NFAM1: variants seen among roughly 807,000 people sequenced by gnomAD.
The protein encoded by NFAM1 is NFAT activating protein with ITAM motif 1, also known as NFAT activation molecule 1.
Under a neutral mutation model 29.0 loss-of-function variants are expected in NFAM1, and 17 were observed. The observed-to-expected ratio is 0.59, with a 90% confidence interval of 0.40 to 0.88. The LOEUF (loss-of-function observed/expected upper bound fraction) is 0.88. NFAM1 is among the 40% of genes least tolerant of loss of function. The probability of loss-of-function intolerance (pLI) is 0.00; values close to 1 mark genes in which losing one functional copy is unlikely to be tolerated. For synonymous variants in NFAM1, 175 were observed against 147.2 expected (o/e 1.19, Z -1.36); for missense variants, 324 against 344.6 (o/e 0.94, Z 0.47).
intron 1 of NFAM1, among the ~76,000 whole-genome samples, chr22:42,417,292 T>C (rs893574996): frequency 6.6e-6 from 1 of 152,128 alleles, no homozygotes; most frequent in Non-Finnish European, 1.5e-5. Flanking sequence ...CATAGAACTT[T>C]GACTTAGAGT....
chr22:42,393,464 A>G (rs140350026), intron 4 of NFAM1, among the ~76,000 whole-genome samples: 218 of 151,922 alleles, frequency 1.4e-3, no homozygotes, highest in African/African-American at 4.9e-3. Context: ...GCTGGAGTGC[A>G]GTGGCATGAT....
chr22:42,417,493 GGAACGGATTTGA>G (rs11276064), intron 1 of NFAM1, among the ~76,000 whole-genome samples: 13,518 of 152,196 alleles, frequency 0.089, 745 homozygotes, highest in African/African-American at 0.14. Context: ...TTCTGTGCAG[GGAACGGATTTGA>G]GAACTTCCCT....
At position 42,387,130 on chromosome 22, in the gene NFAM1, C is replaced by T. The variant is rs762688698; in HGVS notation, c.664-52G>A. On this transcript the variant is annotated intron_variant, in intron 4 of 5. Transcript: ENST00000329021. Reference sequence around the variant, plus strand: ...GGGGCAAGTGTGTAGAGGGGCAGTCCCTGGCCCCAGCAGCCAGCCCCCTGC... The same window carrying T: ...GGGGCAAGTGTGTAGAGGGGCAGTCTCTGGCCCCAGCAGCCAGCCCCCTGC... 17 of 1,083,408 alleles carry T rather than the reference C, an allele frequency of 1.6e-5. No individual in the cohort carries two copies. In the South Asian group the frequency reaches 2.0e-4, roughly 13 times the overall value. 67.1% of individuals were successfully genotyped at this position (1,083,408 alleles called of 1,614,324 possible).
rs1286905869 is a variant in NFAM1 at position 42,381,277 on chromosome 22, G to A, written c.*3884C>T. The A allele has an allele frequency of 6.5e-6, 1 of 153,088 alleles. No homozygotes were observed. Among genetic ancestry groups the A allele is most frequent in the Admixed American group, 6.5e-5 (1 of 15,272 alleles). The allele number at this position is 153,088 out of a possible 1,614,324, so 9.5% of individuals were successfully genotyped here. A position where few individuals can be genotyped will look rare whatever the true frequency, so the allele number is the denominator to read the frequency against. On this transcript the variant is annotated 3_prime_UTR_variant, in exon 6 of 6. Coordinates refer to ENST00000329021, the MANE Select transcript of NFAM1 (RefSeq NM_145912.8). ...GGCAAGGCCCCTGCTCCCAGAAGCT[G>A]GTTTCCCAGGATGATTTTCTCAAGC...
In NFAM1 at chr22:42,397,954, C is replaced by A. The variant is rs141047747; in HGVS notation, c.567G>T (p.Lys189Asn). The change falls in exon 4 of 6, where the codon AAG becomes AAT. Residue 189 changes from lysine to asparagine, a missense_variant and splice_region_variant. Transcript: ENST00000329021. ...GGTCCTTCCCTGGACCCCGCATCCG[C>A]TTCTGTAGGGAGAAAGGAGTCAGGG... ...VGTALLLWNK[K>N]RMRGPGKDPT... 2.5e-6 allele frequency: 4 copies of A among 1,581,380 alleles called. No homozygotes were observed. Among genetic ancestry groups the A allele is most frequent in the Non-Finnish European group, 3.5e-6 (4 of 1,157,362 alleles).
In NFAM1 at chr22:42,381,779, C is replaced by G. The variant is rs1347910560; in HGVS notation, c.*3382G>C. 6.5e-6 allele frequency: 1 copy of G among 153,272 alleles called. No individual in the cohort carries two copies. Among genetic ancestry groups the G allele is most frequent in the African/African-American group, 2.4e-5 (1 of 41,440 alleles). The allele number at this position is 153,272 out of a possible 1,614,324, so 9.5% of individuals were successfully genotyped here. ...CAGCTCCTGCTAAGCCAGCACCCTC[C>G]TTCCCTCACCTCTCTGCTTACCTTG... is the stretch of plus-strand genomic sequence containing the variant. On this transcript the variant is annotated 3_prime_UTR_variant, in exon 6 of 6. Coordinates refer to ENST00000329021, the MANE Select transcript of NFAM1 (RefSeq NM_145912.8).
chr22:42,434,099 C>A (rs1306278386), upstream of NFAM1, among the ~76,000 whole-genome samples: 3 of 152,154 alleles, frequency 2.0e-5, no homozygotes, highest in African/African-American at 4.8e-5. Flanking sequence ...ACGGTGCCCC[C>A]CACACCCCAA....
chr22:42,384,788 A>G lies in NFAM1; in HGVS notation c.*373T>C. On this transcript the variant is annotated 3_prime_UTR_variant, in exon 6 of 6. Coordinates refer to ENST00000329021, the MANE Select transcript of NFAM1 (RefSeq NM_145912.8). Reference sequence around the variant, plus strand: ...AGCTCAGAGGCTGCCCTACTGGCTGAGGTGCAGGCTGGTGCCAAGAGAGCA... The same window carrying G: ...AGCTCAGAGGCTGCCCTACTGGCTGGGGTGCAGGCTGGTGCCAAGAGAGCA... 3.4e-6 allele frequency: 1 copy of G among 297,230 alleles called. No individual in the cohort carries two copies. The highest frequency in any genetic ancestry group is 6.5e-6 in the Non-Finnish European group (1 of 154,142). The allele number at this position is 297,230 out of a possible 1,614,324, so 18.4% of individuals were successfully genotyped here. A position where few individuals can be genotyped will look rare whatever the true frequency, so the allele number is the denominator to read the frequency against.
upstream of NFAM1, among the ~76,000 whole-genome samples, chr22:42,434,075 CCT>C (rs1307341427): frequency 1.3e-5 from 2 of 152,258 alleles, no homozygotes; most frequent in East Asian, 3.9e-4. Context: ...ACTGACCCTA[CCT>C]CTCAGCCTGT....
At chr22:42,391,344 A>C (rs988852484) in intron 4 of NFAM1, among the ~76,000 whole-genome samples, 1 of 46,512 alleles carries the variant, frequency 2.1e-5, no homozygotes. Context: ...AAAAATGAAC[A>C]GGGGTCTTGG....
chr22:42,410,997 C>A (rs1352481518), intron 2 of NFAM1, among the ~76,000 whole-genome samples: 10 of 150,126 alleles, frequency 6.7e-5, no homozygotes, highest in Admixed American at 6.6e-4. Flanking sequence ...CAAGGCAAAC[C>A]ATTCTCTATT....
intron 1 of NFAM1, among the ~76,000 whole-genome samples, chr22:42,422,297 C>T (rs1290448346): frequency 1.3e-5 from 2 of 152,156 alleles, no homozygotes; most frequent in Non-Finnish European, 2.9e-5. Flanking sequence ...CAGCAGTTGC[C>T]TCCTTTTTGC....
At chr22:42,414,388 C>T (rs770443147) in intron 1 of NFAM1, among the ~76,000 whole-genome samples, 13 of 151,946 alleles carry the variant, frequency 8.6e-5, no homozygotes, top group Middle Eastern at 6.8e-3. Context: ...CGGACTTATC[C>T]GAGATGGGAC....
chr22:42,428,640 C>T (rs1359194576), intron 1 of NFAM1, among the ~76,000 whole-genome samples: 2 of 152,184 alleles, frequency 1.3e-5, no homozygotes, highest in African/African-American at 2.4e-5. Flanking sequence ...CCAAGGCTCA[C>T]GGTCCCACCA....
intron 1 of NFAM1, among the ~76,000 whole-genome samples, chr22:42,423,959 C>A (rs1321833633): frequency 6.6e-6 from 1 of 151,974 alleles, no homozygotes; most frequent in Non-Finnish European, 1.5e-5. Context: ...ACCTCATGAC[C>A]TCACCATGTT....
intron 3 of NFAM1, among the ~76,000 whole-genome samples, chr22:42,399,129 G>A (rs1048934696): frequency 6.6e-6 from 1 of 152,164 alleles, no homozygotes; most frequent in Middle Eastern, 3.2e-3. Flanking sequence ...AGGCCTGGAG[G>A]TCTGGAGGCA....
At chr22:42,434,634 A>T (rs1306687285), upstream of NFAM1, among the ~76,000 whole-genome samples, 2 of 152,184 alleles carry the variant, frequency 1.3e-5, no homozygotes, top group African/African-American at 4.8e-5. Context: ...CGCATCCAGG[A>T]GCCTCATTTC....
intron 1 of NFAM1, among the ~76,000 whole-genome samples, chr22:42,421,230 C>T (rs1433763184): frequency 9.9e-5 from 15 of 152,208 alleles, no homozygotes; most frequent in Non-Finnish European, 5.9e-5. Flanking sequence ...GTGGGTGGAT[C>T]TCCTGAGGTC....
intron 1 of NFAM1, among the ~76,000 whole-genome samples, chr22:42,426,291 C>T (rs920412127): frequency 2.0e-5 from 3 of 152,184 alleles, no homozygotes; most frequent in Non-Finnish European, 2.9e-5. Flanking sequence ...GCCCCTGGCC[C>T]ACCAGCAGCA....
Sources: gnomAD v4.1 joint callset for allele counts (sites outside exome capture counted in the v4.1 genomes callset) on GRCh38, gnomAD v4.1.1 for gene constraint, MANE v1.5 for transcripts, NCBI Gene and HGNC (gene_info 2026-07-23, HGNC 2026-07-21) for gene names.